NKAIN3: variants seen among roughly 807,000 people sequenced by gnomAD.
The protein encoded by NKAIN3 is sodium/potassium transporting ATPase interacting 3.
Under a neutral mutation model 30.2 loss-of-function variants are expected in NKAIN3, and 25 were observed. That is an observed-to-expected ratio of 0.83 (90% CI 0.60 to 1.16). NKAIN3 has a LOEUF of 1.16. Among genes scored for constraint, NKAIN3 ranks in the 50% most tolerant of loss-of-function variants. The pLI is 0.00. For missense variants in NKAIN3, 225 were observed against 254.1 expected (o/e 0.89, Z 0.78); for synonymous variants, 91 against 89.6 (o/e 1.02, Z -0.09).
At chr8:62,849,724 G>A (rs1322084510) in intron 4 of NKAIN3, among the ~76,000 whole-genome samples, 8 of 150,192 alleles carry the variant, frequency 5.3e-5, no homozygotes, top group South Asian at 2.1e-4. Flanking sequence ...TTGTCCTTCC[G>A]ATAGTTTGCT....
intron 3 of NKAIN3, among the ~76,000 whole-genome samples, chr8:62,712,760 C>A (rs1320807458): frequency 2.6e-5 from 4 of 152,280 alleles, no homozygotes; most frequent in Non-Finnish European, 4.4e-5. Context: ...TCACCCCATT[C>A]AAATTATTAC....
chr8:62,284,728 G>T (rs1341415346), intron 1 of NKAIN3, among the ~76,000 whole-genome samples: 1 of 152,088 alleles, frequency 6.6e-6, no homozygotes, highest in African/African-American at 2.4e-5. Context: ...AAAGCACTCT[G>T]GGTAGAAAAA....
chr8:62,445,108 G>C (rs185485523), intron 1 of NKAIN3, among the ~76,000 whole-genome samples: 102 of 152,062 alleles, frequency 6.7e-4, no homozygotes, highest in Non-Finnish European at 1.1e-3. Flanking sequence ...ACCATGCCCA[G>C]GTAATTTTTG....
At chr8:62,989,638 C>T (rs1317995402), downstream of NKAIN3, among the ~76,000 whole-genome samples, 1 of 152,042 alleles carries the variant, frequency 6.6e-6, no homozygotes. Flanking sequence ...ACAGAGCTTG[C>T]GATGAGCTGA....
intron 4 of NKAIN3, among the ~76,000 whole-genome samples, chr8:62,783,115 C>A (rs1166157390): frequency 1.3e-5 from 2 of 152,004 alleles, no homozygotes; most frequent in Non-Finnish European, 2.9e-5. Context: ...AGTTTACAGA[C>A]ATGCACAAAA....
chr8:62,754,326 T>G (rs1816380515), intron 4 of NKAIN3, among the ~76,000 whole-genome samples: 1 of 151,434 alleles, frequency 6.6e-6, no homozygotes, highest in South Asian at 2.1e-4. Context: ...AGTTATTTAC[T>G]GGTAAACATG....
intron 3 of NKAIN3, among the ~76,000 whole-genome samples, chr8:62,640,580 T>C (rs1395626046): frequency 6.6e-6 from 1 of 152,130 alleles, no homozygotes; most frequent in Non-Finnish European, 1.5e-5. Context: ...GAATTTACCA[T>C]TGTGAATTAA....
Position 62,667,263 on chromosome 8 carries a change from A to G in NKAIN3, c.273+77469A>G, listed in dbSNP as rs369343986. Among the ~76,000 whole-genome samples, 9 of 149,528 alleles carry G rather than the reference A, an allele frequency of 6.0e-5. No individual in the cohort carries two copies. The East Asian group carries it at 1.6e-3, about 26-fold the overall frequency. On this transcript the variant is annotated intron_variant, in intron 3 of 6. Coordinates refer to ENST00000623646, the MANE Select transcript of NKAIN3 (RefSeq NM_001304533.3). ...GTATACATATGTAACAAACCTGCAC[A>G]TTGTGCACATGTACCCTAGATCTTA...
intron 5 of NKAIN3, among the ~76,000 whole-genome samples, chr8:62,929,783 G>A (rs72655091): frequency 0.045 from 6,774 of 152,136 alleles, 228 homozygotes; most frequent in Non-Finnish European, 0.065. Context: ...ATGCAGCCCA[G>A]GGTGACTTTA....
At chr8:62,992,997 A>AG (rs1394179193) in intron 5 of NKAIN3, among the ~76,000 whole-genome samples, 2 of 152,154 alleles carry the variant, frequency 1.3e-5, no homozygotes, top group African/African-American at 4.8e-5. Flanking sequence ...ACCCAGTCTC[A>AG]TTCTGTGTTC....
intron 4 of NKAIN3, among the ~76,000 whole-genome samples, chr8:62,812,400 T>C (rs1563574551): frequency 6.6e-6 from 1 of 151,912 alleles, no homozygotes; most frequent in Non-Finnish European, 1.5e-5. Context: ...TTGCATCAAA[T>C]CTACAGATCA....
In NKAIN3 at chr8:62,729,042, A is replaced by AAAAAAAAAAAACAAAC. The variant is rs1554571510; in HGVS notation, c.274-17880_274-17879insACAAACAAAAAAAAAA. 1.9e-4 allele frequency among the ~76,000 whole-genome samples: 24 copies of AAAAAAAAAAAACAAAC among 127,610 alleles called. 1 individual carries two copies. Among genetic ancestry groups the AAAAAAAAAAAACAAAC allele is most frequent in the African/African-American group, 6.9e-4 (20 of 28,962 alleles). 83.7% of individuals were successfully genotyped at this position (127,610 alleles called of 152,430 possible). A position where few individuals can be genotyped will look rare whatever the true frequency, so the allele number is the denominator to read the frequency against. ...AACAAACCAAAAAAAAAAAAAAACA[A>AAAAAAAAAAAACAAAC]AAAAAAAAAACCTCCTGCTCTGCAA... On this transcript the variant is annotated intron_variant, in intron 3 of 6. Transcript: ENST00000623646.
rs1823698622 is a variant in NKAIN3, at chr8:62,965,919, A to AT, written c.*518dup. ...CCAGCTTTTGGATTGAATATGGGTC[A>AT]TTTTTTCAACAGCATAAAACAAAAC... On this transcript the variant is annotated 3_prime_UTR_variant, in exon 7 of 7. Transcript: ENST00000623646. The AT allele has an allele frequency of 1.0e-6, 1 of 985,180 alleles. No individual in the cohort carries two copies. Among genetic ancestry groups the AT allele is most frequent in the African/African-American group, 1.7e-5 (1 of 57,216 alleles). 61.0% of individuals were successfully genotyped at this position (985,180 alleles called of 1,614,324 possible).
chr8:62,893,509 C>T (rs1821348559), intron 4 of NKAIN3, among the ~76,000 whole-genome samples: 1 of 152,196 alleles, frequency 6.6e-6, no homozygotes, highest in Non-Finnish European at 1.5e-5. Flanking sequence ...TGAAATATAT[C>T]TATAAGCTAT....
At chr8:62,992,001 TC>T (rs1440025821) in intron 5 of NKAIN3, among the ~76,000 whole-genome samples, 9 of 150,046 alleles carry the variant, frequency 6.0e-5, no homozygotes, top group African/African-American at 2.3e-4. Flanking sequence ...CACCCCACTT[TC>T]TTCTCTTTCC....
intron 3 of NKAIN3, among the ~76,000 whole-genome samples, chr8:62,631,145 A>G (rs1811946371): frequency 6.6e-6 from 1 of 152,076 alleles, no homozygotes; most frequent in South Asian, 2.1e-4. Context: ...TTCTTACTAG[A>G]ACTTTCTGTA....
chr8:62,351,744 G>A (rs1000329951), intron 1 of NKAIN3, among the ~76,000 whole-genome samples: 1 of 152,134 alleles, frequency 6.6e-6, no homozygotes, highest in South Asian at 2.1e-4. Flanking sequence ...ACCAGTTTTT[G>A]TGGTTTATCA....
intron 1 of NKAIN3, among the ~76,000 whole-genome samples, chr8:62,484,548 G>A (rs1806838935): frequency 6.6e-6 from 1 of 152,160 alleles, no homozygotes; most frequent in Non-Finnish European, 1.5e-5. Flanking sequence ...TCTGCTCAGA[G>A]CTGAATTTTC....
intron 3 of NKAIN3, among the ~76,000 whole-genome samples, chr8:62,737,714 T>C (rs1017834151): frequency 6.6e-6 from 1 of 152,232 alleles, no homozygotes; most frequent in Non-Finnish European, 1.5e-5. Context: ...TCCTCAACTT[T>C]ATTTTTTTAG....
Sources: allele counts gnomAD v4.1 joint callset (sites outside exome capture counted in the v4.1 genomes callset), GRCh38; gene constraint gnomAD v4.1.1; transcripts MANE v1.5; gene names NCBI Gene and HGNC (gene_info 2026-07-23, HGNC 2026-07-21).